KIZ: variants seen among roughly 807,000 people sequenced by gnomAD.
KIZ encodes the protein kizuna centrosomal protein, also known as centrosomal protein kizuna.
KIZ carries 68 observed loss-of-function variants against 79.6 expected under a neutral mutation model. The ratio of observed to expected loss-of-function variants is 0.85; its 90% CI spans 0.70 to 1.05. The LOEUF is 1.05. Among genes scored for constraint, KIZ ranks in the 50% least tolerant of loss-of-function variants. The pLI, the probability that KIZ is intolerant of heterozygous loss-of-function variation, is 0.00. For synonymous variants in KIZ, 280 were observed against 281.8 expected (o/e 0.99, Z 0.06); for missense variants, 797 against 800.4 (o/e 1.00, Z 0.05).
At chr20:21,156,717 G>C (rs2033399885) in intron 4 of KIZ, among the ~76,000 whole-genome samples, 3 of 152,128 alleles carry the variant, frequency 2.0e-5, no homozygotes, top group South Asian at 4.1e-4. Context: ...GCGTGTCTCT[G>C]TGCTTTTGGA....
intron 7 of KIZ, among the ~76,000 whole-genome samples, chr20:21,210,078 T>C (rs1177848188): frequency 6.6e-6 from 1 of 152,074 alleles, no homozygotes; most frequent in Non-Finnish European, 1.5e-5. Flanking sequence ...GAGGCCGAGG[T>C]TGGTGGATCA....
intron 1 of KIZ, 43 bp from the exon 2 acceptor site, chr20:21,132,054 G>C (rs1164987696): frequency 4.8e-6 from 4 of 835,330 alleles, no homozygotes; most frequent in South Asian, 1.6e-5. Flanking sequence ...CCAACTCCCT[G>C]TTACTTATCA....
chr20:21,186,037 G>A (rs924442074), intron 6 of KIZ, among the ~76,000 whole-genome samples: 1 of 152,142 alleles, frequency 6.6e-6, no homozygotes, highest in Non-Finnish European at 1.5e-5. Context: ...TGGAAAGTAT[G>A]GAAGTTGCTG....
intron 6 of KIZ, among the ~76,000 whole-genome samples, chr20:21,205,126 CTAAA>C (rs541528515): frequency 6.4e-4 from 98 of 152,084 alleles, no homozygotes; most frequent in African/African-American, 2.2e-3. Flanking sequence ...TCCAATGAGA[CTAAA>C]TAAATAAATA....
intron 6 of KIZ, among the ~76,000 whole-genome samples, chr20:21,183,539 T>A (rs982446811): frequency 6.6e-6 from 1 of 152,226 alleles, no homozygotes; most frequent in African/African-American, 2.4e-5. Context: ...GCCTTGGAAA[T>A]CTTCCCATAA....
chr20:21,220,468 A>G (rs1461585563), intron 9 of KIZ, among the ~76,000 whole-genome samples: 1 of 151,698 alleles, frequency 6.6e-6, no homozygotes, highest in Admixed American at 6.6e-5. Context: ...TCTTTTATTT[A>G]TTTTGTTTTT....
In KIZ at chr20:21,148,908, C is replaced by G. The variant is rs561235965; in HGVS notation, c.405+3254C>G. 5 of 152,308 alleles carry G rather than the reference C, an allele frequency of 3.3e-5. No individual in the cohort carries two copies. In the South Asian group the frequency reaches 1.0e-3, roughly 32 times the overall value. 9.4% of individuals were successfully genotyped at this position (152,308 alleles called of 1,614,324 possible). On this transcript the variant is annotated intron_variant, in intron 4 of 12. Transcript: ENST00000619189. ...GCTTCACTTCCACTGTGGTAACCCTCCCTGCAAGGATCAGGTGGGAGAATG... is the reference window on the plus strand; with the variant it reads ...GCTTCACTTCCACTGTGGTAACCCTGCCTGCAAGGATCAGGTGGGAGAATG...
chr20:21,161,669 G>A (rs1173369769), intron 4 of KIZ, among the ~76,000 whole-genome samples: 1 of 152,002 alleles, frequency 6.6e-6, no homozygotes, highest in Non-Finnish European at 1.5e-5. Flanking sequence ...AACTATCATT[G>A]TTATTAAAAT....
intron 11 of KIZ, among the ~76,000 whole-genome samples, chr20:21,243,460 G>A (rs555939715): frequency 3.7e-4 from 57 of 152,268 alleles, no homozygotes; most frequent in African/African-American, 1.2e-3. Context: ...TGGTGCGTGG[G>A]GTAGGGCAAA....
At chr20:21,200,826 T>G (rs2035567634) in intron 6 of KIZ, among the ~76,000 whole-genome samples, 1 of 152,094 alleles carries the variant, frequency 6.6e-6, no homozygotes, top group East Asian at 1.9e-4. Context: ...ATAAAGCATC[T>G]TAAGAGAAAA....
At chr20:21,182,495 A>G (rs945802177) in intron 6 of KIZ, among the ~76,000 whole-genome samples, 9 of 152,070 alleles carry the variant, frequency 5.9e-5, no homozygotes, top group African/African-American at 2.2e-4. Flanking sequence ...AGCCTTTTCT[A>G]TGGAAGACCA....
chr20:21,139,941 G>C (rs959560019), intron 3 of KIZ, among the ~76,000 whole-genome samples: 2 of 152,186 alleles, frequency 1.3e-5, no homozygotes, highest in African/African-American at 4.8e-5. Context: ...CAGGAAGGAT[G>C]TGAGTTCCAT....
chr20:21,166,370 G>T, intron 6 of KIZ: 1 of 1,601,004 alleles, frequency 6.2e-7, no homozygotes, highest in Non-Finnish European at 8.5e-7. Context: ...CAAATCTGGA[G>T]CTGATCACTC....
chr20:21,163,915 A>C (rs571472268), intron 6 of KIZ, among the ~76,000 whole-genome samples: 12 of 152,344 alleles, frequency 7.9e-5, no homozygotes, highest in Admixed American at 7.8e-4. Context: ...CATTAATAAC[A>C]TCAAATCTCT....
At chr20:21,128,364 A>T (rs1324998545) in intron 1 of KIZ, among the ~76,000 whole-genome samples, 2 of 152,156 alleles carry the variant, frequency 1.3e-5, no homozygotes, top group Non-Finnish European at 2.9e-5. Flanking sequence ...CTGATCACAG[A>T]TACCACTGTC....
intron 7 of KIZ, among the ~76,000 whole-genome samples, chr20:21,205,865 G>A (rs1220862296): frequency 6.6e-6 from 1 of 151,728 alleles, no homozygotes; most frequent in Non-Finnish European, 1.5e-5. Flanking sequence ...GGAGGCCGAG[G>A]CAGGAGAATT....
chr20:21,233,522 T>A (rs2036901740), intron 11 of KIZ, among the ~76,000 whole-genome samples: 1 of 152,244 alleles, frequency 6.6e-6, no homozygotes, highest in Non-Finnish European at 1.5e-5. Flanking sequence ...TCTTTTGCTT[T>A]GAGCTAAATA....
At chr20:21,142,223 T>C (rs1044735179) in intron 3 of KIZ, among the ~76,000 whole-genome samples, 3 of 152,064 alleles carry the variant, frequency 2.0e-5, no homozygotes, top group Admixed American at 1.3e-4. Flanking sequence ...AAGGCCTTTT[T>C]CCCCCTGCCC....
At chr20:21,240,986 C>T (rs2037197950) in intron 11 of KIZ, among the ~76,000 whole-genome samples, 1 of 152,172 alleles carries the variant, frequency 6.6e-6, no homozygotes, top group African/African-American at 2.4e-5. Flanking sequence ...CCAACGTCTG[C>T]CTTACAAGAT....
Sources: allele counts gnomAD v4.1 joint callset (sites outside exome capture counted in the v4.1 genomes callset), GRCh38; gene constraint gnomAD v4.1.1; transcripts MANE v1.5; gene names NCBI Gene and HGNC (gene_info 2026-07-23, HGNC 2026-07-21).